The following GFI1B variants were observed in gnomAD, a reference collection of about 807,000 sequenced individuals.
The protein encoded by GFI1B is zinc finger protein Gfi-1b.
A neutral mutation model predicts 35.3 loss-of-function variants in GFI1B; 20 were observed. The ratio of observed to expected loss-of-function variants is 0.57; its 90% CI spans 0.40 to 0.82. GFI1B has a LOEUF of 0.82. GFI1B is among the 40% of genes least tolerant of loss of function. The pLI is 0.00. For missense variants in GFI1B, 430 were observed against 446.3 expected (o/e 0.96, Z 0.33); for synonymous variants, 178 against 177.6 (o/e 1.00, Z -0.02).
Position 132,991,076 on chromosome 9 carries a change from C to T in GFI1B, c.*26C>T, listed in dbSNP as rs1268765739. On this transcript the variant is annotated 3_prime_UTR_variant, in exon 7 of 7. Transcript: ENST00000372122. ...GGCTGCGCCGGCTCCCAGCTCCTGG[C>T]CAGCCTGCCCTGCGGTCCTGTCACC... 6.2e-7 allele frequency: 1 copy of T among 1,605,616 alleles called. No homozygotes were observed. Among genetic ancestry groups the T allele is most frequent in the Admixed American group, 1.7e-5 (1 of 59,972 alleles).
intron 6 of GFI1B, among the ~76,000 whole-genome samples, 193 bp downstream of exon 6, chr9:132,990,100 A>G (rs1444152405): frequency 6.6e-6 from 1 of 152,264 alleles, no homozygotes; most frequent in Non-Finnish European, 1.5e-5. Flanking sequence ...CAGGGAGGAA[A>G]CAGCAAAATC....
chr9:132,987,572 C>T (rs1386166449), intron 3 of GFI1B, among the ~76,000 whole-genome samples, 153 bp downstream of exon 3: 2 of 152,122 alleles, frequency 1.3e-5, no homozygotes, highest in Admixed American at 6.5e-5. Flanking sequence ...TCTGCTTGGG[C>T]CTCTCAGACA....
intron 1 of GFI1B, among the ~76,000 whole-genome samples, chr9:132,967,228 C>T (rs1376870988): frequency 6.6e-6 from 1 of 152,144 alleles, no homozygotes; most frequent in African/African-American, 2.4e-5. Flanking sequence ...TCAATCTTCC[C>T]AGCCTCCAGA....
chr9:132,947,566 T>A (rs965667878), intron 1 of GFI1B, among the ~76,000 whole-genome samples: 10 of 152,030 alleles, frequency 6.6e-5, no homozygotes, highest in African/African-American at 2.4e-4. Context: ...CCTAGCAATT[T>A]GGGAGGCCAA....
chr9:132,986,075 T>G (rs1052578060), intron 1 of GFI1B, among the ~76,000 whole-genome samples: 3 of 152,208 alleles, frequency 2.0e-5, no homozygotes, highest in Non-Finnish European at 4.4e-5. Flanking sequence ...TTAGGATTTG[T>G]AGCTGCCGTA....
At chr9:132,982,507 C>T (rs984169098) in intron 1 of GFI1B, among the ~76,000 whole-genome samples, 9 of 152,266 alleles carry the variant, frequency 5.9e-5, no homozygotes, top group African/African-American at 1.9e-4. Flanking sequence ...CTATCAGGAT[C>T]GGGGGTTATG....
upstream of GFI1B, among the ~76,000 whole-genome samples, chr9:132,977,246 A>G (rs1399826626): frequency 1.3e-5 from 2 of 152,108 alleles, no homozygotes; most frequent in African/African-American, 4.8e-5. Context: ...GGCGTGAACC[A>G]CTGTGCCCAG....
Position 132,987,392 on chromosome 9 carries a change from A to C in GFI1B, c.211A>C (p.Asn71His). The C allele has an allele frequency of 6.2e-7, 1 of 1,614,262 alleles. No individual in the cohort carries two copies. The highest frequency in any genetic ancestry group is 8.5e-7 in the Non-Finnish European group (1 of 1,180,042). ...AGAGCCGGAGCTGGAGCAGGACCAG[A>C]ACTTGGCCAGGATGGCCCCGGCACC... ...KREPELEQDQ[N>H]LARMAPAPEG... Residue 71 changes from asparagine (N) to histidine (H), a missense_variant, in exon 3 of 7, where the codon AAC (asparagine) becomes CAC (histidine). Coordinates refer to ENST00000372122, the MANE Select transcript of GFI1B (RefSeq NM_001377304.1).
chr9:132,992,057 G>A (rs1290285395), downstream of GFI1B, among the ~76,000 whole-genome samples: 1 of 152,174 alleles, frequency 6.6e-6, no homozygotes, highest in Non-Finnish European at 1.5e-5. Context: ...ACATCAAGGT[G>A]TTAGCAGGAC....
At chr9:132,973,855 A>C (rs1181543651), upstream of GFI1B, among the ~76,000 whole-genome samples, 3 of 152,190 alleles carry the variant, frequency 2.0e-5, no homozygotes, top group Admixed American at 1.3e-4. Context: ...ACACTTAAGC[A>C]ACCTCATGGT....
rs1468878225 is a variant in GFI1B at position 132,988,467 on chromosome 9, A to T, written c.509A>T (p.Lys170Met). 3.9e-5 allele frequency: 63 copies of T among 1,613,162 alleles called. No individual in the cohort carries two copies. Among genetic ancestry groups the T allele is most frequent in the Non-Finnish European group, 5.1e-5 (60 of 1,179,940 alleles). The stretch of plus-strand genomic sequence containing the variant: ...GCGTACCACTGTGTGAAGTGCAACA[A>T]GGTGGGCAGCGGGGGGTGTGGTGGG... ...MDAYHCVKCN[K>M]VFSTPHGLEV... is the part of the protein sequence containing the mutation. Residue 170 changes from lysine (K) to methionine (M), a missense_variant and splice_region_variant, in exon 4 of 7, where the codon AAG becomes ATG. Lys to Met is a moderately conservative substitution (Grantham distance 95). Coordinates refer to ENST00000372122, the MANE Select transcript of GFI1B (RefSeq NM_001377304.1).
At chr9:132,945,945 G>T (rs950623988) in intron 1 of GFI1B, among the ~76,000 whole-genome samples, 5 of 152,204 alleles carry the variant, frequency 3.3e-5, no homozygotes, top group Non-Finnish European at 7.3e-5. Flanking sequence ...GGCCAGGTGT[G>T]TGAGTAGCCA....
chr9:132,952,159 G>A (rs1038442759), intron 1 of GFI1B: 1 of 152,038 alleles, frequency 6.6e-6, no homozygotes, highest in African/African-American at 2.4e-5. Context: ...GGTTGTTACT[G>A]AAGTAGAGAA....
chr9:132,949,338 C>T (rs945672167), intron 1 of GFI1B, among the ~76,000 whole-genome samples: 3 of 151,276 alleles, frequency 2.0e-5, no homozygotes, highest in African/African-American at 4.9e-5. Context: ...CACACACACA[C>T]ACATACACAC....
upstream of GFI1B, among the ~76,000 whole-genome samples, chr9:132,977,640 C>T (rs1376609912): frequency 6.6e-6 from 1 of 152,130 alleles, no homozygotes; most frequent in East Asian, 1.9e-4. Context: ...ATCAGTCATC[C>T]TGCAAGCGGG....
chr9:132,952,831 T>C (rs1016178617), intron 1 of GFI1B: 2 of 152,256 alleles, frequency 1.3e-5, no homozygotes, highest in African/African-American at 4.8e-5. Flanking sequence ...GTGGCCTTTA[T>C]CCAATGCTTT....
At chr9:132,980,719 C>T (rs544587977) in intron 1 of GFI1B, among the ~76,000 whole-genome samples, 2 of 152,272 alleles carry the variant, frequency 1.3e-5, no homozygotes, top group African/African-American at 4.8e-5. Context: ...CTATTTCTGT[C>T]TCTATGAAAT....
chr9:132,973,822 T>G (rs6597588), upstream of GFI1B, among the ~76,000 whole-genome samples: 1 of 151,978 alleles, frequency 6.6e-6, no homozygotes, highest in Non-Finnish European at 1.5e-5. Flanking sequence ...CTGTTGTTCC[T>G]GCTCAAACCC....
intron 1 of GFI1B, among the ~76,000 whole-genome samples, chr9:132,971,667 A>G (rs1425374868): frequency 1.3e-5 from 2 of 152,156 alleles, no homozygotes; most frequent in Non-Finnish European, 2.9e-5. Flanking sequence ...AAACAAGAAA[A>G]ATAGACTTCA....
Sources: allele counts gnomAD v4.1 joint callset (sites outside exome capture counted in the v4.1 genomes callset), GRCh38; gene constraint gnomAD v4.1.1; transcripts MANE v1.5; gene names NCBI Gene and HGNC (gene_info 2026-07-23, HGNC 2026-07-21).